The following NAALADL2 variants were observed in gnomAD, a reference collection of about 807,000 sequenced individuals.
The protein encoded by NAALADL2 is N-acetylated alpha-linked acidic dipeptidase like 2, also known as inactive N-acetylated-alpha-linked acidic dipeptidase-like protein 2.
Under a neutral mutation model 87.2 loss-of-function variants are expected in NAALADL2, and 76 were observed. The observed-to-expected ratio is 0.87, with a 90% CI of 0.72 to 1.05. The LOEUF is 1.05. NAALADL2 is among the 50% of genes least tolerant of loss of function. The pLI is 0.00. For synonymous variants in NAALADL2, 354 were observed against 331.0 expected, an observed-to-expected ratio of 1.07 and a Z score of -0.75; for missense variants, 1,089 against 945.8, an observed-to-expected ratio of 1.15 and a Z score of -1.99.
At chr3:174,511,917 A>G (rs1478053798) in intron 1 of NAALADL2, among the ~76,000 whole-genome samples, 1 of 152,108 alleles carries the variant, frequency 6.6e-6, no homozygotes, top group African/African-American at 2.4e-5. Flanking sequence ...AAAGTATAAG[A>G]ATCTTCAGAT....
At chr3:175,669,798 C>T (rs951135093) in intron 11 of NAALADL2, among the ~76,000 whole-genome samples, 4 of 151,838 alleles carry the variant, frequency 2.6e-5, no homozygotes, top group Admixed American at 2.6e-4. Context: ...TAGTGTATTT[C>T]ACTATTACTA....
chr3:174,983,687 C>T (rs1342031998), intron 1 of NAALADL2, among the ~76,000 whole-genome samples: 1 of 152,108 alleles, frequency 6.6e-6, no homozygotes, highest in African/African-American at 2.4e-5. Context: ...ATTCTGCCCT[C>T]ATGATATAAT....
intron 1 of NAALADL2, among the ~76,000 whole-genome samples, chr3:175,027,702 A>G (rs1339897575): frequency 1.3e-5 from 2 of 150,916 alleles, no homozygotes; most frequent in South Asian, 2.1e-4. Flanking sequence ...TTTCTAGGTC[A>G]AAAAATAGAA....
intron 2 of NAALADL2, among the ~76,000 whole-genome samples, chr3:174,657,419 A>G (rs980437216): frequency 4.6e-5 from 7 of 151,964 alleles, no homozygotes; most frequent in Admixed American, 1.3e-4. Context: ...GGCCTTCCCA[A>G]TTGTTGAGAC....
chr3:174,914,051 T>TG (rs1734051726), intron 1 of NAALADL2, among the ~76,000 whole-genome samples: 3 of 150,456 alleles, frequency 2.0e-5, no homozygotes, highest in African/African-American at 7.3e-5. Context: ...ATATATATAT[T>TG]CCTTTTCTTT....
chr3:174,925,273 T>A (rs1171271815), intron 1 of NAALADL2, among the ~76,000 whole-genome samples: 9 of 152,236 alleles, frequency 5.9e-5, no homozygotes, highest in African/African-American at 2.2e-4. Context: ...GGATCCAGTT[T>A]CAGCTTTCTA....
At chr3:174,542,719 T>G (rs1172862370) in intron 1 of NAALADL2, among the ~76,000 whole-genome samples, 2 of 152,154 alleles carry the variant, frequency 1.3e-5, no homozygotes, top group Non-Finnish European at 2.9e-5. Context: ...TGACATTTCA[T>G]TTGTAAACTG....
At chr3:175,148,647 A>G (rs1026311114) in intron 2 of NAALADL2, among the ~76,000 whole-genome samples, 2 of 152,230 alleles carry the variant, frequency 1.3e-5, no homozygotes, top group African/African-American at 2.4e-5. Flanking sequence ...GTCCACTTTC[A>G]TTCTTCTGCA....
At chr3:174,909,504 A>T (rs954523570) in intron 1 of NAALADL2, among the ~76,000 whole-genome samples, 4 of 152,152 alleles carry the variant, frequency 2.6e-5, no homozygotes, top group African/African-American at 7.2e-5. Context: ...TAATGAGGAA[A>T]TCATGATAAA....
intron 1 of NAALADL2, among the ~76,000 whole-genome samples, chr3:175,023,752 C>G (rs1751866610): frequency 6.6e-6 from 1 of 152,086 alleles, no homozygotes; most frequent in African/African-American, 2.4e-5. Context: ...GACCAATCTC[C>G]TATAGACAGA....
intron 2 of NAALADL2, among the ~76,000 whole-genome samples, chr3:174,712,279 G>C (rs6790770): frequency 0.15 from 22,132 of 151,354 alleles, 1,875 homozygotes; most frequent in African/African-American, 0.21. Flanking sequence ...ATAAATAAGG[G>C]TACGTCTGGC....
At chr3:175,068,817 T>C (rs1715022622) in intron 1 of NAALADL2, among the ~76,000 whole-genome samples, 1 of 152,120 alleles carries the variant, frequency 6.6e-6, no homozygotes, top group Non-Finnish European at 1.5e-5. Flanking sequence ...GCAATCAGAA[T>C]ACCTTTGAAA....
At chr3:175,614,008 T>C (rs1300865051) in intron 10 of NAALADL2, among the ~76,000 whole-genome samples, 2 of 152,124 alleles carry the variant, frequency 1.3e-5, no homozygotes, top group East Asian at 3.9e-4. Flanking sequence ...AGATATACAA[T>C]ATCCCACAAT....
chr3:175,216,380 G>T (rs963771026), intron 2 of NAALADL2, among the ~76,000 whole-genome samples: 2 of 152,076 alleles, frequency 1.3e-5, no homozygotes, highest in Non-Finnish European at 2.9e-5. Context: ...CTTTAAGAGA[G>T]TATTCAAATA....
intron 2 of NAALADL2, among the ~76,000 whole-genome samples, chr3:174,606,756 A>G (rs1220862068): frequency 6.6e-6 from 1 of 152,208 alleles, no homozygotes; most frequent in African/African-American, 2.4e-5. Context: ...GCAGGATATT[A>G]TCCAGGAGAA....
chr3:175,129,475 C>T (rs1727470120), intron 2 of NAALADL2, among the ~76,000 whole-genome samples: 1 of 152,170 alleles, frequency 6.6e-6, no homozygotes, highest in Non-Finnish European at 1.5e-5. Flanking sequence ...TCCCCATTCC[C>T]CACCCCTGTC....
intron 5 of NAALADL2, among the ~76,000 whole-genome samples, chr3:175,371,261 A>ATATTAT (rs940293538): frequency 3.3e-5 from 5 of 151,614 alleles, no homozygotes; most frequent in Admixed American, 1.3e-4. Context: ...ATTATGGATG[A>ATATTAT]TATTATTATT....
chr3:175,042,138 T>G (rs973113431), intron 1 of NAALADL2, among the ~76,000 whole-genome samples: 1 of 152,166 alleles, frequency 6.6e-6, no homozygotes, highest in Non-Finnish European at 1.5e-5. Context: ...TTTAGACTTT[T>G]TTTAGATTCC....
chr3:175,685,697 G>A (rs566316080), intron 11 of NAALADL2, among the ~76,000 whole-genome samples: 1 of 152,130 alleles, frequency 6.6e-6, no homozygotes, highest in African/African-American at 2.4e-5. Flanking sequence ...CATCTGAAGG[G>A]CAGCAGACTG....
Sources: gnomAD v4.1 joint callset for allele counts (sites outside exome capture counted in the v4.1 genomes callset) on GRCh38, gnomAD v4.1.1 for gene constraint, MANE v1.5 for transcripts, NCBI Gene and HGNC (gene_info 2026-07-23, HGNC 2026-07-21) for gene names.